The following NSRP1 variants were observed in gnomAD, a reference collection of about 807,000 sequenced individuals.
NSRP1 encodes nuclear speckle splicing regulatory protein 1.
A neutral mutation model predicts 54.7 loss-of-function variants in NSRP1; 24 were observed. The observed-to-expected ratio is 0.44, with a 90% CI of 0.32 to 0.62. The LOEUF (loss-of-function observed/expected upper bound fraction) is 0.62, where lower values mean the gene tolerates loss of function less well. NSRP1 is among the 20% of genes least tolerant of loss of function. The pLI, the probability that NSRP1 is intolerant of heterozygous loss-of-function variation, is 0.06. For missense variants in NSRP1, 596 were observed against 651.2 expected (o/e 0.92, Z 0.92); for synonymous variants, 210 against 213.8 (o/e 0.98, Z 0.15).
At chr17:30,177,968 T>A (rs1905180521) in intron 3 of NSRP1, 103 bp from the exon 4 acceptor site, 1 of 1,304,574 alleles carries the variant, frequency 7.7e-7, no homozygotes, top group South Asian at 1.2e-5. Context: ...ATTGTAATTT[T>A]TATGATATAT....
chr17:30,159,564 C>G (rs917192526), intron 2 of NSRP1, among the ~76,000 whole-genome samples: 3 of 152,124 alleles, frequency 2.0e-5, no homozygotes, highest in African/African-American at 4.8e-5. Context: ...AGAGGAAAAG[C>G]TTTCAGCTTT....
intron 2 of NSRP1, among the ~76,000 whole-genome samples, chr17:30,131,836 G>T (rs2071702868): frequency 1.3e-5 from 2 of 152,172 alleles, no homozygotes; most frequent in African/African-American, 4.8e-5. Flanking sequence ...TTAAAAATTG[G>T]AGTCAGTCCT....
At chr17:30,143,733 A>G (rs187848131) in intron 2 of NSRP1, among the ~76,000 whole-genome samples, 2 of 152,312 alleles carry the variant, frequency 1.3e-5, no homozygotes, top group African/African-American at 2.4e-5. Flanking sequence ...ATTCTAGTAT[A>G]TATGTTTTCA....
chr17:30,121,645 C>G (rs1041108271), intron 2 of NSRP1, among the ~76,000 whole-genome samples: 2 of 149,346 alleles, frequency 1.3e-5, no homozygotes, highest in African/African-American at 5.0e-5. Context: ...CTCACTGCAA[C>G]TGCAACCTCC....
At chr17:30,118,023 A>G (rs946133266) in intron 1 of NSRP1, 57 bp from the exon 2 acceptor site, 1 of 1,341,726 alleles carries the variant, frequency 7.5e-7, no homozygotes, top group Non-Finnish European at 1.1e-6. Context: ...TAGTAGATGT[A>G]TTTGTTAACA....
rs547391187 is a variant in NSRP1, at chr17:30,134,717, C to G, written c.114+16544C>G. On this transcript the variant is annotated intron_variant, in intron 2 of 6. Transcript: ENST00000247026. ...ATGCTTTTAAACAATGTAATGTACT[C>G]CCTCTGAGAGTTAGTTTGTTCATAA... Among the ~76,000 whole-genome samples the G allele has an allele frequency of 2.0e-5, 3 of 152,244 alleles. No individual in the cohort carries two copies. The East Asian group carries it at 5.8e-4, about 29-fold the overall frequency.
At chr17:30,144,254 A>T in intron 2 of NSRP1, 1 of 146,866 alleles carries the variant, frequency 6.8e-6, no homozygotes, top group Non-Finnish European at 1.5e-5. Flanking sequence ...GATTATTATT[A>T]TTATTATTAT....
At chr17:30,170,111 T>C (rs899772903) in intron 2 of NSRP1, among the ~76,000 whole-genome samples, 2 of 152,142 alleles carry the variant, frequency 1.3e-5, no homozygotes, top group Non-Finnish European at 2.9e-5. Context: ...TAGCTTTATT[T>C]TGGCTTTTTT....
intron 2 of NSRP1, among the ~76,000 whole-genome samples, chr17:30,138,908 C>CTTT (rs1567793683): frequency 3.2e-4 from 21 of 64,954 alleles, no homozygotes; most frequent in East Asian, 1.4e-3. Flanking sequence ...CAAGTCTTAG[C>CTTT]GTTTTTTTTT....
At chr17:30,133,959 A>G (rs552805468) in intron 2 of NSRP1, among the ~76,000 whole-genome samples, 2 of 152,372 alleles carry the variant, frequency 1.3e-5, no homozygotes, top group East Asian at 3.8e-4. Context: ...CCTAGCTTTC[A>G]GCCTGTCTCG....
chr17:30,132,382 G>A (rs971773045), intron 2 of NSRP1, among the ~76,000 whole-genome samples: 8 of 151,812 alleles, frequency 5.3e-5, no homozygotes, highest in Admixed American at 1.3e-4. Context: ...GTGAAACCCC[G>A]TCTCTACTAA....
intron 2 of NSRP1, among the ~76,000 whole-genome samples, chr17:30,141,536 TTAA>T (rs1415174690): frequency 6.6e-6 from 1 of 152,186 alleles, no homozygotes; most frequent in African/African-American, 2.4e-5. Flanking sequence ...TCTTAGTATC[TTAA>T]TAAATGGTCA....
intron 2 of NSRP1, among the ~76,000 whole-genome samples, chr17:30,171,428 T>C (rs766452280): frequency 1.3e-5 from 2 of 151,678 alleles, no homozygotes; most frequent in African/African-American, 2.4e-5. Context: ...GTCTCAGCCT[T>C]TCAAGTAGCT....
chr17:30,121,570 G>GT (rs36072997), intron 2 of NSRP1, among the ~76,000 whole-genome samples: 19,917 of 132,648 alleles, frequency 0.15, 1,917 homozygotes, highest in African/African-American at 0.28. Flanking sequence ...GTGTGTGTGT[G>GT]TTTTTTTTTT....
chr17:30,171,507 T>C (rs533609108), intron 2 of NSRP1, among the ~76,000 whole-genome samples: 2 of 152,222 alleles, frequency 1.3e-5, no homozygotes, highest in South Asian at 4.1e-4. Context: ...GGTTTCACCA[T>C]GTTGGCCAGG....
At position 30,185,929 on chromosome 17, in the gene NSRP1, T is replaced by G; in HGVS notation, c.*255T>G. On this transcript the variant is annotated 3_prime_UTR_variant, in exon 7 of 7. Transcript: ENST00000247026. ...CAAGAACCGTTAAGAGTGTGCTAAT[T>G]CCCTGTAGGTACATAATGAGGAAAA... 3.6e-6 allele frequency: 1 copy of G among 275,338 alleles called. No homozygotes were observed. The allele number at this position is 275,338 out of a possible 1,614,324, so 17.1% of individuals were successfully genotyped here.
chr17:30,139,043 G>A (rs964564780), intron 2 of NSRP1, among the ~76,000 whole-genome samples: 1 of 143,142 alleles, frequency 7.0e-6, no homozygotes, highest in Admixed American at 7.2e-5. Context: ...TCAGCCTCCC[G>A]AGTAGCTGGG....
At chr17:30,122,907 T>C (rs998507935) in intron 2 of NSRP1, among the ~76,000 whole-genome samples, 12 of 152,094 alleles carry the variant, frequency 7.9e-5, no homozygotes, top group African/African-American at 2.9e-4. Context: ...TTGGACACTT[T>C]TTTGTTTTTG....
At chr17:30,123,192 T>C (rs1414038649) in intron 2 of NSRP1, among the ~76,000 whole-genome samples, 2 of 152,216 alleles carry the variant, frequency 1.3e-5, no homozygotes, top group East Asian at 3.8e-4. Context: ...CTCCACCTCC[T>C]GGGTTCAACC....
Sources: allele counts gnomAD v4.1 joint callset (sites outside exome capture counted in the v4.1 genomes callset), GRCh38; gene constraint gnomAD v4.1.1; transcripts MANE v1.5; gene names NCBI Gene and HGNC (gene_info 2026-07-23, HGNC 2026-07-21).